The following SWT1 variants were observed in gnomAD, a reference collection of about 807,000 sequenced individuals.
The protein encoded by SWT1 is SWT1 RNA endoribonuclease homolog, also known as transcriptional protein SWT1.
In SWT1, 33 loss-of-function variants were observed where a neutral mutation model predicts 107.3. The observed-to-expected ratio is 0.31, with a 90% CI of 0.23 to 0.41. The LOEUF (loss-of-function observed/expected upper bound fraction) is 0.41. Among genes scored for constraint, SWT1 ranks in the 10% least tolerant of loss-of-function variants. SWT1 has a pLI of 1.00. For synonymous variants in SWT1, 345 were observed against 348.3 expected, an observed-to-expected ratio of 0.99 and a Z score of 0.11; for missense variants, 898 against 1,028.9, an observed-to-expected ratio of 0.87 and a Z score of 1.74.
chr1:185,213,574 A>T (rs1658992005), intron 13 of SWT1, among the ~76,000 whole-genome samples: 3 of 152,166 alleles, frequency 2.0e-5, no homozygotes, highest in African/African-American at 7.2e-5. Context: ...ATTGTTTTTT[A>T]AACTCATAGT....
At chr1:185,194,535 C>A (rs1430467953) in intron 10 of SWT1, among the ~76,000 whole-genome samples, 1 of 151,426 alleles carries the variant, frequency 6.6e-6, no homozygotes, top group African/African-American at 2.4e-5. Context: ...AAGGATATTG[C>A]TGTTGTATAT....
chr1:185,288,123 G>C (rs1665051522), intron 18 of SWT1, among the ~76,000 whole-genome samples: 2 of 152,158 alleles, frequency 1.3e-5, no homozygotes, highest in Admixed American at 6.5e-5. Flanking sequence ...TCCCTTAAGA[G>C]TGTTTCAAAA....
intron 16 of SWT1, chr1:185,264,282 A>C: frequency 8.9e-6 from 8 of 897,608 alleles, no homozygotes; most frequent in African/African-American, 1.8e-5. Flanking sequence ...ATTTTTCTTG[A>C]TTTCTCCTAT....
At chr1:185,225,093 C>G (rs1659951219) in intron 15 of SWT1, among the ~76,000 whole-genome samples, 1 of 152,066 alleles carries the variant, frequency 6.6e-6, no homozygotes, top group Admixed American at 6.6e-5. Context: ...TATGCTCCTT[C>G]TGTATCTAAT....
At chr1:185,184,721 A>G in intron 8 of SWT1, 22 bp from the exon 9 acceptor site, 1 of 1,587,336 alleles carries the variant, frequency 6.3e-7, no homozygotes, top group Non-Finnish European at 8.6e-7. Flanking sequence ...GTTAAATTCT[A>G]AGAAATCTTT....
chr1:185,195,568 C>T (rs536325568), intron 10 of SWT1, among the ~76,000 whole-genome samples: 17 of 152,312 alleles, frequency 1.1e-4, no homozygotes, highest in Middle Eastern at 3.4e-3. Flanking sequence ...CATGAGGAAT[C>T]GCCACACTGT....
chr1:185,222,728 A>C (rs1422576408), intron 15 of SWT1, among the ~76,000 whole-genome samples: 1 of 138,390 alleles, frequency 7.2e-6, no homozygotes, highest in Non-Finnish European at 1.5e-5. Flanking sequence ...GTGCCACTGC[A>C]CTCCAGCCTG....
chr1:185,209,705 G>A (rs2102480367), intron 13 of SWT1, among the ~76,000 whole-genome samples: 1 of 152,198 alleles, frequency 6.6e-6, no homozygotes, highest in South Asian at 2.1e-4. Flanking sequence ...ATGTCTTTAT[G>A]GTAGAATGAT....
intron 10 of SWT1, among the ~76,000 whole-genome samples, chr1:185,196,830 G>T (rs1272520327): frequency 6.6e-6 from 1 of 152,080 alleles, no homozygotes; most frequent in Non-Finnish European, 1.5e-5. Flanking sequence ...TTTGCACATT[G>T]ATTTTGTATC....
intron 5 of SWT1, among the ~76,000 whole-genome samples, chr1:185,176,209 G>A (rs1233343259): frequency 7.1e-6 from 1 of 141,672 alleles, no homozygotes; most frequent in East Asian, 2.1e-4. Context: ...GATCACTTGA[G>A]CCCAGGAGCT....
intron 3 of SWT1, 52 bp from the exon 4 acceptor site, chr1:185,168,288 A>T: frequency 9.7e-6 from 11 of 1,139,634 alleles, no homozygotes; most frequent in Non-Finnish European, 1.2e-5. Flanking sequence ...AAACTGTGGA[A>T]AAAAATATGT....
intron 14 of SWT1, among the ~76,000 whole-genome samples, chr1:185,220,138 CAAAAAAA>C (rs34674504): frequency 8.8e-5 from 4 of 45,636 alleles, no homozygotes; most frequent in African/African-American, 2.0e-4. Flanking sequence ...GACCCTGTCT[CAAAAAAA>C]AAAAAAAAAA....
chr1:185,227,182 T>C, intron 15 of SWT1: 4 of 928,596 alleles, frequency 4.3e-6, no homozygotes, highest in South Asian at 3.9e-5. Flanking sequence ...CTATGAGGGA[T>C]AGACAAGCAT....
At chr1:185,288,006 AT>A (rs1397290852) in intron 18 of SWT1, among the ~76,000 whole-genome samples, 1 of 152,108 alleles carries the variant, frequency 6.6e-6, no homozygotes, top group African/African-American at 2.4e-5. Flanking sequence ...ACTGAAGGAT[AT>A]TTTTTTCACA....
chr1:185,169,121 G>A lies in SWT1; in HGVS notation c.224+723G>A, dbSNP rs568778544. 4.6e-5 allele frequency among the ~76,000 whole-genome samples: 7 copies of A among 152,086 alleles called. No individual in the cohort carries two copies. In the East Asian group the frequency reaches 7.7e-4, roughly 17 times the overall value. ...TGCTAAAAACAAAAAAATTCAACTC[G>A]CCTCTGTCTTTTGTTCACTTTTTCT... On this transcript the variant is annotated intron_variant, in intron 4 of 18. Transcript: ENST00000367500.
At chr1:185,190,670 A>C in intron 10 of SWT1, 28 bp downstream of exon 10, 1 of 1,355,902 alleles carries the variant, frequency 7.4e-7, no homozygotes, top group African/African-American at 1.5e-5. Flanking sequence ...TTGACTTTTT[A>C]TTTTTAAAAA....
At chr1:185,221,717 T>G in intron 14 of SWT1, 132 bp from the exon 15 acceptor site, 2 of 596,876 alleles carry the variant, frequency 3.4e-6, no homozygotes, top group South Asian at 5.9e-5. Flanking sequence ...GAATATTATG[T>G]ACATAATAAA....
At chr1:185,242,501 T>C (rs970521159) in intron 16 of SWT1, among the ~76,000 whole-genome samples, 1 of 152,142 alleles carries the variant, frequency 6.6e-6, no homozygotes, top group Non-Finnish European at 1.5e-5. Flanking sequence ...TAAGGTAACC[T>C]CCGCTGATAC....
chr1:185,275,587 G>A (rs1297274932), intron 17 of SWT1, among the ~76,000 whole-genome samples: 1 of 151,404 alleles, frequency 6.6e-6, no homozygotes, highest in Non-Finnish European at 1.5e-5. Context: ...GTCTCACTAT[G>A]TTGCTCAGGC....
Sources: gnomAD v4.1 joint callset for allele counts (sites outside exome capture counted in the v4.1 genomes callset) on GRCh38, gnomAD v4.1.1 for gene constraint, MANE v1.5 for transcripts, NCBI Gene and HGNC (gene_info 2026-07-23, HGNC 2026-07-21) for gene names.